The following CTH variants were observed in gnomAD, a reference collection of about 807,000 sequenced individuals.
CTH encodes cystathionase (cystathionine gamma-lyase).
CTH carries 41 observed loss-of-function variants against 50.6 expected under a neutral mutation model. That is an observed-to-expected ratio of 0.81 (90% CI 0.63 to 1.05). The LOEUF (loss-of-function observed/expected upper bound fraction) is 1.05. Among genes scored for constraint, CTH ranks in the 50% least tolerant of loss-of-function variants. The probability of loss-of-function intolerance (pLI) is 0.00; values close to 1 mark genes in which losing one functional copy is unlikely to be tolerated. For missense variants in CTH, 470 were observed against 492.6 expected, an observed-to-expected ratio of 0.95 and a Z score of 0.43; for synonymous variants, 156 against 168.9, an observed-to-expected ratio of 0.92 and a Z score of 0.59.
intron 1 of CTH, among the ~76,000 whole-genome samples, chr1:70,415,107 T>C (rs562189139): frequency 6.6e-6 from 1 of 152,294 alleles, no homozygotes; most frequent in South Asian, 2.1e-4. Context: ...GTATGCTAAA[T>C]AGAACTTGAA....
rs770995519 is a variant in CTH, at chr1:70,433,895, C to A, written c.945C>A (p.Thr315=). The A allele has an allele frequency of 1.9e-6, 3 of 1,614,040 alleles. No homozygotes were observed. Among genetic ancestry groups the A allele is most frequent in the South Asian group, 1.1e-5 (1 of 91,086 alleles). The part of the protein sequence containing the change: ...RQCTGCTGMV[T]FYIKGTLQHA... ...GTACAGGTTGTACAGGGATGGTCAC[C>A]TTTTATATTAAGGGCACTCTTCAGC... The change falls in exon 9 of 12, where the codon ACC becomes ACA. Residue 315 remains threonine, a synonymous_variant. Transcript: ENST00000370938.
chr1:70,411,371 A>T lies in CTH; in HGVS notation c.-45A>T, dbSNP rs772711446. 1.2e-6 allele frequency: 2 copies of T among 1,609,182 alleles called. No individual in the cohort carries two copies. The highest frequency in any genetic ancestry group is 1.7e-6 in the Non-Finnish European group (2 of 1,175,728). On this transcript the variant is annotated 5_prime_UTR_variant, in exon 1 of 12. Transcript: ENST00000370938. Reference sequence around the variant, plus strand: ...CCCGGACACCCGGCTTCGACTGGTTATATCTTCGGTGTTCTTTTCCTCTCT... The same window carrying T: ...CCCGGACACCCGGCTTCGACTGGTTTTATCTTCGGTGTTCTTTTCCTCTCT...
At chr1:70,421,772 A>C in intron 4 of CTH, 97 bp downstream of exon 4, 1 of 1,274,228 alleles carries the variant, frequency 7.8e-7, no homozygotes, top group Non-Finnish European at 1.1e-6. Flanking sequence ...GTGAATAACA[A>C]ATTTTATTTT....
chr1:70,423,065 A>G (rs756161902), intron 4 of CTH, among the ~76,000 whole-genome samples: 1 of 152,196 alleles, frequency 6.6e-6, no homozygotes, highest in Non-Finnish European at 1.5e-5. Context: ...AAGTCCATGT[A>G]AAACCTACTT....
At chr1:70,420,329 G>A (rs901590229) in intron 3 of CTH, among the ~76,000 whole-genome samples, 1 of 152,078 alleles carries the variant, frequency 6.6e-6, no homozygotes, top group Non-Finnish European at 1.5e-5. Flanking sequence ...TTTTTCCAGG[G>A]ACAGGGGGAT....
intron 10 of CTH, among the ~76,000 whole-genome samples, chr1:70,436,269 A>G (rs1443830003): frequency 6.6e-6 from 1 of 152,186 alleles, no homozygotes; most frequent in Non-Finnish European, 1.5e-5. Context: ...CCGAGGTTGC[A>G]GCAAGCCAAG....
At chr1:70,434,146 A>T (rs1448491587) in intron 9 of CTH, among the ~76,000 whole-genome samples, 197 bp downstream of exon 9, 1 of 152,194 alleles carries the variant, frequency 6.6e-6, no homozygotes, top group Non-Finnish European at 1.5e-5. Context: ...CACTTACTTA[A>T]CTCTCCACAT....
intron 4 of CTH, 148 bp from the exon 5 acceptor site, chr1:70,424,137 A>G (rs753154470): frequency 7.6e-6 from 11 of 1,447,916 alleles, no homozygotes; most frequent in Non-Finnish European, 1.0e-5. Context: ...ATTTGCAGGT[A>G]AGGCTGGGAT....
chr1:70,413,834 T>C (rs1156383991), intron 1 of CTH, among the ~76,000 whole-genome samples: 1 of 148,844 alleles, frequency 6.7e-6, no homozygotes, highest in Admixed American at 6.8e-5. Flanking sequence ...CTCCACCTCC[T>C]GGGTTCAAGT....
Position 70,438,769 on chromosome 1 carries a change from G to A in CTH, c.1134G>A (p.Val378=). The A allele has an allele frequency of 6.2e-7, 1 of 1,613,908 alleles. No individual in the cohort carries two copies. The highest frequency in any genetic ancestry group is 8.5e-7 in the Non-Finnish European group (1 of 1,180,000). ...GISDTLIRLS[V]GLEDEEDLLE... is the part of the protein sequence containing the mutation. ...GTGACACACTGATTCGACTTTCTGT[G>A]GGCTTAGAGGATGAGGAAGACCTAC... The change falls in exon 11 of 12, where the codon GTG becomes GTA. Residue 378 remains valine (V), a synonymous_variant. Transcript: ENST00000370938.
At chr1:70,435,304 G>A (rs2101759109) in intron 10 of CTH, 127 bp downstream of exon 10, 1 of 889,398 alleles carries the variant, frequency 1.1e-6, no homozygotes. Flanking sequence ...ACATTAATCA[G>A]AATGGACTCT....
chr1:70,415,862 C>A, intron 1 of CTH, 94 bp from the exon 2 acceptor site: 2 of 761,450 alleles, frequency 2.6e-6, no homozygotes, highest in Non-Finnish European at 4.8e-6. Context: ...AGAATAGAAA[C>A]TAATTATGGT....
At chr1:70,416,916 C>T (rs573906582) in intron 2 of CTH, among the ~76,000 whole-genome samples, 6 of 151,678 alleles carry the variant, frequency 4.0e-5, no homozygotes, top group Middle Eastern at 3.4e-3. Context: ...TGGTCTGGAA[C>T]TCTTGGGCTC....
chr1:70,433,679 G>A (rs1301904486), intron 8 of CTH, 149 bp from the exon 9 acceptor site: 1 of 1,243,824 alleles, frequency 8.0e-7, no homozygotes, highest in African/African-American at 1.5e-5. Flanking sequence ...GAGAGATAGG[G>A]GCCCAAGCAA....
rs776678178 is a variant in CTH at position 70,438,682 on chromosome 1, T to C, written c.1053-6T>C. On this transcript the variant is annotated splice_polypyrimidine_tract_variant and splice_region_variant and intron_variant, in intron 10 of 11. Transcript: ENST00000370938. ...TGATCAAAAATTTGCTCATGTCTTC[T>C]TTCAGGGCAATCATGACTCATGCAT... is the stretch of plus-strand genomic sequence containing the variant. 1.2e-6 allele frequency: 2 copies of C among 1,614,108 alleles called. No homozygotes were observed. The highest frequency in any genetic ancestry group is 1.7e-5 in the Admixed American group (1 of 60,018).
chr1:70,415,892 C>G (rs970419423), intron 1 of CTH, 64 bp from the exon 2 acceptor site: 11 of 872,048 alleles, frequency 1.3e-5, no homozygotes, highest in Non-Finnish European at 2.2e-5. Flanking sequence ...CTATAGTTCT[C>G]TATGTTAGGA....
At chr1:70,433,689 AG>A in intron 8 of CTH, 138 bp from the exon 9 acceptor site, 1 of 1,329,556 alleles carries the variant, frequency 7.5e-7, no homozygotes, top group Non-Finnish European at 1.0e-6. Flanking sequence ...GGCCCAAGCA[AG>A]TAGTCAGATG....
chr1:70,422,070 T>A (rs1203146564), intron 4 of CTH, among the ~76,000 whole-genome samples: 1 of 152,230 alleles, frequency 6.6e-6, no homozygotes, highest in Admixed American at 6.5e-5. Flanking sequence ...AAAAAATTTC[T>A]ATGCAGGAGC....
At chr1:70,422,861 C>T (rs1684256692) in intron 4 of CTH, among the ~76,000 whole-genome samples, 1 of 152,098 alleles carries the variant, frequency 6.6e-6, no homozygotes, top group African/African-American at 2.4e-5. Flanking sequence ...CCGCCTGCCT[C>T]AGCCTCCCAA....
Sources: gnomAD v4.1 joint callset for allele counts (sites outside exome capture counted in the v4.1 genomes callset) on GRCh38, gnomAD v4.1.1 for gene constraint, MANE v1.5 for transcripts, NCBI Gene and HGNC (gene_info 2026-07-23, HGNC 2026-07-21) for gene names.